TENM1: variants seen among roughly 807,000 people sequenced by gnomAD.
TENM1 encodes the protein teneurin transmembrane protein 1, also known as teneurin-1.
A neutral mutation model predicts 174.8 loss-of-function variants in TENM1; 35 were observed. The ratio of observed to expected loss-of-function variants is 0.20; its 90% confidence interval spans 0.15 to 0.27. The LOEUF is 0.27. Ranked by LOEUF, TENM1 falls within the 10% of genes least tolerant of loss-of-function variation. TENM1 has a pLI of 1.00. For synonymous variants in TENM1, 781 were observed against 798.7 expected, an observed-to-expected ratio of 0.98 and a Z score of 0.37; for missense variants, 1,633 against 2,130.1, an observed-to-expected ratio of 0.77 and a Z score of 4.59.
chrX:125,024,094 A>G, the TENM1 span, among the ~76,000 whole-genome samples: 3 of 111,912 alleles, frequency 2.7e-5, no homozygotes, highest in African/African-American at 9.8e-5. Context: ...GTTGGCATAG[A>G]TGTGAAGAAA....
the TENM1 span, among the ~76,000 whole-genome samples, chrX:124,997,816 T>C: frequency 5.4e-5 from 6 of 110,330 alleles, no homozygotes; most frequent in Non-Finnish European, 1.1e-4. Context: ...TTAGATCTGA[T>C]TGCTCCCTTA....
chrX:124,987,309 C>T, the TENM1 span, among the ~76,000 whole-genome samples: 1 of 110,740 alleles, frequency 9.0e-6, no homozygotes, highest in South Asian at 3.9e-4. Flanking sequence ...ATAAATCTAC[C>T]CTAATTAAGT....
At position 124,817,467 on chromosome X, in the gene TENM1, C is replaced by A. The variant is rs2055927662; in HGVS notation, c.535+76829G>T. Among the ~76,000 whole-genome samples, 3 of 112,017 alleles carry A rather than the reference C, an allele frequency of 2.7e-5. No homozygotes were observed. In the Admixed American group the frequency reaches 2.9e-4, roughly 11 times the overall value. ...AAGTTATATATTTTTAAGTTGCCTTCAGACCCTATATCCTGGGATTCTCAC... is the reference window on the plus strand; with the variant it reads ...AAGTTATATATTTTTAAGTTGCCTTAAGACCCTATATCCTGGGATTCTCAC... On this transcript the variant is annotated intron_variant, in intron 3 of 31. Coordinates refer to ENST00000422452, the Ensembl canonical transcript of TENM1.
chrX:124,729,815 G>A (rs142460340), intron 4 of TENM1, among the ~76,000 whole-genome samples: 1,243 of 111,942 alleles, frequency 0.011, 17 homozygotes, highest in African/African-American at 0.038. Flanking sequence ...TGGGAGAAGG[G>A]GGATGGTTCT....
intron 3 of TENM1, among the ~76,000 whole-genome samples, chrX:124,774,636 A>G (rs2054740818): frequency 9.0e-6 from 1 of 111,663 alleles, no homozygotes; most frequent in Non-Finnish European, 1.9e-5. Context: ...TATGTGCATA[A>G]TTGAATGATA....
chrX:124,721,612 G>A (rs891425425), intron 4 of TENM1, among the ~76,000 whole-genome samples: 2 of 111,939 alleles, frequency 1.8e-5, no homozygotes, highest in Admixed American at 1.9e-4. Flanking sequence ...AAGAGATGGC[G>A]TGGAGTTCTT....
chrX:124,607,114 T>C (rs2050178021), intron 11 of TENM1, among the ~76,000 whole-genome samples: 1 of 111,368 alleles, frequency 9.0e-6, no homozygotes, highest in East Asian at 2.8e-4. Flanking sequence ...AAATATCTGT[T>C]GGGAATCTAT....
chrX:124,936,491 T>C (rs1289399656), intron 1 of TENM1, among the ~76,000 whole-genome samples: 1 of 112,020 alleles, frequency 8.9e-6, no homozygotes, highest in Non-Finnish European at 1.9e-5. Flanking sequence ...ATAGCACTAT[T>C]TGGTATCCCT....
intron 3 of TENM1, among the ~76,000 whole-genome samples, chrX:124,781,179 A>G (rs2054901727): frequency 8.9e-6 from 1 of 111,811 alleles, no homozygotes; most frequent in Admixed American, 9.6e-5. Flanking sequence ...TATTTTATTC[A>G]ACAAATATTA....
At chrX:124,987,884 T>A in the TENM1 span, among the ~76,000 whole-genome samples, 2 of 111,405 alleles carry the variant, frequency 1.8e-5, no homozygotes, top group African/African-American at 6.5e-5. Flanking sequence ...GATTATTAAG[T>A]CAAGCATTTA....
chrX:125,140,989 T>A, the TENM1 span, among the ~76,000 whole-genome samples: 1 of 111,437 alleles, frequency 9.0e-6, no homozygotes, highest in South Asian at 3.8e-4. Flanking sequence ...GGAGAGTATA[T>A]CTGGAAGTAA....
chrX:124,881,778 G>C (rs1317161765), intron 3 of TENM1, among the ~76,000 whole-genome samples: 1 of 108,637 alleles, frequency 9.2e-6, no homozygotes, highest in African/African-American at 3.4e-5. Flanking sequence ...ACTTAGGCTG[G>C]AGTGCAATGG....
chrX:124,510,792 A>ACACACACACACACT (rs1440822468), intron 18 of TENM1, among the ~76,000 whole-genome samples: 2 of 111,630 alleles, frequency 1.8e-5, no homozygotes, highest in Non-Finnish European at 3.8e-5. Flanking sequence ...ACACACACAC[A>ACACACACACACACT]CTTGAAGTTT....
the TENM1 span, among the ~76,000 whole-genome samples, chrX:125,088,961 A>G: frequency 9.0e-6 from 1 of 111,578 alleles, no homozygotes; most frequent in Non-Finnish European, 1.9e-5. Flanking sequence ...CCCCATCACC[A>G]GTGACGTAAA....
chrX:124,437,456 T>C (rs2060855858), intron 23 of TENM1, among the ~76,000 whole-genome samples: 2 of 111,084 alleles, frequency 1.8e-5, no homozygotes, highest in South Asian at 7.7e-4. Flanking sequence ...TGTGAATGAT[T>C]TTATCCAGAG....
At chrX:124,546,787 A>G in intron 15 of TENM1, 87 bp downstream of exon 18, 1 of 795,856 alleles carries the variant, frequency 1.3e-6, no homozygotes, top group East Asian at 3.2e-5. Context: ...ATGGGAAGTA[A>G]CCTGATCCTT....
the TENM1 span, among the ~76,000 whole-genome samples, chrX:125,132,785 C>T: frequency 0.02 from 2,218 of 111,581 alleles, 51 homozygotes; most frequent in African/African-American, 0.069. Flanking sequence ...AATACAGGCT[C>T]ACCTGCCTTT....
intron 23 of TENM1, among the ~76,000 whole-genome samples, chrX:124,435,676 T>C (rs1386880313): frequency 8.9e-6 from 1 of 111,760 alleles, no homozygotes; most frequent in East Asian, 2.8e-4. Flanking sequence ...TAAGAGCAGA[T>C]GGCCTAATGA....
intron 3 of TENM1, among the ~76,000 whole-genome samples, chrX:124,789,661 C>T (rs1246024193): frequency 1.8e-5 from 2 of 111,241 alleles, no homozygotes; most frequent in African/African-American, 6.6e-5. Context: ...ATCTTAGATC[C>T]AGTTCCCACC....
Sources: gnomAD v4.1 joint callset for allele counts (sites outside exome capture counted in the v4.1 genomes callset) on GRCh38, gnomAD v4.1.1 for gene constraint, MANE v1.5 for transcripts, NCBI Gene and HGNC (gene_info 2026-07-23, HGNC 2026-07-21) for gene names.